The following PLXNA4 variants were observed in gnomAD, a reference collection of about 807,000 sequenced individuals.
The protein encoded by PLXNA4 is plexin-A4.
Under a neutral mutation model 191.8 loss-of-function variants are expected in PLXNA4, and 44 were observed. The observed-to-expected ratio is 0.23, with a 90% CI of 0.18 to 0.29. The LOEUF is 0.29. Ranked by LOEUF, PLXNA4 falls within the 10% of genes least tolerant of loss-of-function variation. PLXNA4 has a pLI of 1.00. For synonymous variants in PLXNA4, 1,082 were observed against 1,009.5 expected (o/e 1.07, Z -1.36); for missense variants, 1,800 against 2,488.8 (o/e 0.72, Z 5.89).
intron 2 of PLXNA4, among the ~76,000 whole-genome samples, chr7:132,602,312 T>C (rs1275333438): frequency 6.6e-6 from 1 of 152,152 alleles, no homozygotes; most frequent in Non-Finnish European, 1.5e-5. Flanking sequence ...TGGAGTCCAC[T>C]CTCTCAGTCA....
At chr7:132,258,414 G>A (rs1400622372) in intron 4 of PLXNA4, among the ~76,000 whole-genome samples, 2 of 152,178 alleles carry the variant, frequency 1.3e-5, no homozygotes, top group African/African-American at 2.4e-5. Flanking sequence ...TCATACTTCA[G>A]CACGAATGGG....
At chr7:132,522,807 C>T (rs1479013312) in intron 1 of PLXNA4, among the ~76,000 whole-genome samples, 1 of 152,120 alleles carries the variant, frequency 6.6e-6, no homozygotes, top group African/African-American at 2.4e-5. Flanking sequence ...AAGCCACTCA[C>T]CAGAGTCATC....
intron 5 of PLXNA4, among the ~76,000 whole-genome samples, chr7:132,229,935 G>A (rs73723753): frequency 0.016 from 2,405 of 152,194 alleles, 58 homozygotes; most frequent in African/African-American, 0.055. Flanking sequence ...CCTGGGTGGA[G>A]AGCCTGAGAG....
At chr7:132,618,065 C>T (rs895471563) in intron 2 of PLXNA4, among the ~76,000 whole-genome samples, 1 of 152,202 alleles carries the variant, frequency 6.6e-6, no homozygotes, top group African/African-American at 2.4e-5. Context: ...AAATTGCCCA[C>T]ATCATTCCTG....
intron 25 of PLXNA4, among the ~76,000 whole-genome samples, chr7:132,152,698 G>A (rs974776591): frequency 2.6e-5 from 4 of 152,232 alleles, no homozygotes; most frequent in African/African-American, 9.6e-5. Flanking sequence ...TGAGCCTCTT[G>A]GGCATTTTTT....
intron 3 of PLXNA4, among the ~76,000 whole-genome samples, chr7:132,317,503 T>C (rs994109539): frequency 6.6e-6 from 1 of 152,094 alleles, no homozygotes; most frequent in Admixed American, 6.5e-5. Flanking sequence ...TTGTGTTGTG[T>C]TCAGTTGGAT....
intron 25 of PLXNA4, among the ~76,000 whole-genome samples, chr7:132,149,504 A>G (rs1485701718): frequency 6.6e-6 from 1 of 152,192 alleles, no homozygotes; most frequent in Non-Finnish European, 1.5e-5. Context: ...TCAGACACAC[A>G]TAAACTCATG....
chr7:132,574,918 T>G (rs1466222039), intron 1 of PLXNA4, among the ~76,000 whole-genome samples: 1 of 152,240 alleles, frequency 6.6e-6, no homozygotes, highest in African/African-American at 2.4e-5. Flanking sequence ...TCTTCCATCA[T>G]GTTCTGTAAG....
At chr7:132,576,484 A>G (rs1802244545), upstream of PLXNA4, 5 of 984,970 alleles carry the variant, frequency 5.1e-6, no homozygotes, top group Non-Finnish European at 4.8e-6. The surrounding 1 kb of genome is among the most constrained non-coding windows in gnomAD (Gnocchi z 5.8). Context: ...GATGGAGCCT[A>G]TGCCGCTGCC....
rs758628837 is a variant in PLXNA4 at position 132,203,313 on chromosome 7, C to T, written c.2395+10G>A. Reference sequence around the variant, plus strand: ...CCTCCCTCCCCTGCTAGGCCCCAGCCCTTCCACACCTTTATTCTGAGCTGG... The same window carrying T: ...CCTCCCTCCCCTGCTAGGCCCCAGCTCTTCCACACCTTTATTCTGAGCTGG... On this transcript the variant is annotated intron_variant, in intron 11 of 31. Coordinates refer to ENST00000321063, the MANE Select transcript of PLXNA4 (RefSeq NM_020911.2). 7.1e-7 allele frequency: 1 copy of T among 1,413,868 alleles called. No individual in the cohort carries two copies. The highest frequency in any genetic ancestry group is 9.6e-7 in the Non-Finnish European group (1 of 1,040,088). 87.6% of individuals were successfully genotyped at this position (1,413,868 alleles called of 1,614,324 possible).
At chr7:132,311,195 C>CACGT (rs1554411092) in intron 3 of PLXNA4, among the ~76,000 whole-genome samples, 3 of 118,744 alleles carry the variant, frequency 2.5e-5, no homozygotes, top group Non-Finnish European at 5.3e-5. Context: ...TGTGTGTGTG[C>CACGT]GCGTGTGGCC....
chr7:132,552,203 C>T (rs2116578448), intron 1 of PLXNA4, among the ~76,000 whole-genome samples: 1 of 152,250 alleles, frequency 6.6e-6, no homozygotes, highest in African/African-American at 2.4e-5. Context: ...CAGGAAAAGC[C>T]ATTCAGAGAT....
At chr7:132,344,377 CA>C (rs1437002050) in intron 3 of PLXNA4, among the ~76,000 whole-genome samples, 3 of 152,020 alleles carry the variant, frequency 2.0e-5, no homozygotes, top group Admixed American at 1.3e-4. Flanking sequence ...TTTCACAAGA[CA>C]AAAAAACAGA....
At chr7:132,152,702 A>AT (rs922229024) in intron 25 of PLXNA4, among the ~76,000 whole-genome samples, 1 of 152,204 alleles carries the variant, frequency 6.6e-6, no homozygotes, top group African/African-American at 2.4e-5. Flanking sequence ...CCTCTTGGGC[A>AT]TTTTTTGCCT....
intron 2 of PLXNA4, among the ~76,000 whole-genome samples, chr7:132,639,351 C>G: frequency 6.6e-6 from 1 of 152,290 alleles, no homozygotes; most frequent in East Asian, 1.9e-4. Context: ...CATGCTCTTG[C>G]GTCCTCTGTT....
At chr7:132,639,897 C>G (rs967064542) in intron 2 of PLXNA4, among the ~76,000 whole-genome samples, 3 of 152,196 alleles carry the variant, frequency 2.0e-5, no homozygotes, top group Non-Finnish European at 4.4e-5. Flanking sequence ...GAGACTCAAG[C>G]TCCAGCCCCA....
chr7:132,308,812 C>T (rs1351752456), intron 3 of PLXNA4, among the ~76,000 whole-genome samples: 1 of 152,074 alleles, frequency 6.6e-6, no homozygotes, highest in Non-Finnish European at 1.5e-5. Context: ...GATTAATGTG[C>T]AATGATTACT....
intron 1 of PLXNA4, among the ~76,000 whole-genome samples, chr7:132,562,180 TC>T: frequency 8.2e-6 from 1 of 122,318 alleles, no homozygotes; most frequent in South Asian, 3.3e-4. Flanking sequence ...CTCTTTCTCC[TC>T]CTCCTCCTTC....
intron 3 of PLXNA4, among the ~76,000 whole-genome samples, chr7:132,342,614 C>G (rs911384841): frequency 6.6e-6 from 1 of 152,080 alleles, no homozygotes; most frequent in Admixed American, 6.5e-5. Context: ...AGGGAGCTGA[C>G]TAAGACTCCC....
Sources: allele counts gnomAD v4.1 joint callset (sites outside exome capture counted in the v4.1 genomes callset), GRCh38; gene constraint gnomAD v4.1.1; non-coding constraint Gnocchi (gnomAD v3.1); transcripts MANE v1.5; gene names NCBI Gene and HGNC (gene_info 2026-07-23, HGNC 2026-07-21).